PTPRD: variants seen among roughly 807,000 people sequenced by gnomAD.
PTPRD encodes receptor-type tyrosine-protein phosphatase delta.
A neutral mutation model predicts 214.5 loss-of-function variants in PTPRD; 34 were observed. The observed-to-expected ratio is 0.16, with a 90% CI of 0.12 to 0.21. The LOEUF (loss-of-function observed/expected upper bound fraction) is 0.21, where lower values mean the gene tolerates loss of function less well. Ranked by LOEUF, PTPRD falls within the 10% of genes least tolerant of loss-of-function variation. The pLI is 1.00. For synonymous variants in PTPRD, 1,128 were observed against 845.7 expected (o/e 1.33, Z -5.79); for missense variants, 2,545 against 2,398.7 (o/e 1.06, Z -1.27).
At chr9:8,731,405 G>A (rs927356047) in intron 12 of PTPRD, among the ~76,000 whole-genome samples, 9 of 152,076 alleles carry the variant, frequency 5.9e-5, no homozygotes, top group African/African-American at 2.2e-4. Flanking sequence ...AGGTAAAAGG[G>A]AAAACAAAGA....
chr9:9,120,061 T>C (rs1458053422), intron 10 of PTPRD, among the ~76,000 whole-genome samples: 1 of 152,172 alleles, frequency 6.6e-6, no homozygotes, highest in Non-Finnish European at 1.5e-5. Context: ...ACATTTTTCC[T>C]TGAAAGATGC....
intron 4 of PTPRD, among the ~76,000 whole-genome samples, chr9:9,963,730 A>C (rs1354944471): frequency 6.6e-6 from 1 of 152,156 alleles, no homozygotes; most frequent in Non-Finnish European, 1.5e-5. Context: ...GCGATTATCA[A>C]CTAAAAGCTT....
chr9:10,090,773 ACAAT>A (rs746587788), intron 3 of PTPRD, among the ~76,000 whole-genome samples: 5 of 148,292 alleles, frequency 3.4e-5, no homozygotes, highest in Non-Finnish European at 7.5e-5. Flanking sequence ...ATAGCATATT[ACAAT>A]CAATGACATA....
At chr9:9,967,287 A>G (rs544051709) in intron 4 of PTPRD, among the ~76,000 whole-genome samples, 2,150 of 146,692 alleles carry the variant, frequency 0.015, 43 homozygotes, top group Middle Eastern at 0.023. Flanking sequence ...AATTCTTGTC[A>G]TTATCATTAT....
chr9:8,566,098 A>ATGTG (rs1491211691), intron 14 of PTPRD, among the ~76,000 whole-genome samples: 4 of 46,154 alleles, frequency 8.7e-5, no homozygotes, highest in African/African-American at 3.0e-4. Context: ...TGAATGCAAA[A>ATGTG]TATGTGTGTG....
chr9:10,311,301 T>C (rs1401928614), intron 3 of PTPRD, among the ~76,000 whole-genome samples: 1 of 151,878 alleles, frequency 6.6e-6, no homozygotes, highest in African/African-American at 2.4e-5. Context: ...TTTATACTGA[T>C]CAAGAAAAGA....
At chr9:8,983,773 T>C (rs2154342084) in intron 11 of PTPRD, among the ~76,000 whole-genome samples, 1 of 152,040 alleles carries the variant, frequency 6.6e-6, no homozygotes, top group African/African-American at 2.4e-5. Context: ...CACCTCCACC[T>C]CCCAAAGCAC....
intron 11 of PTPRD, among the ~76,000 whole-genome samples, chr9:8,886,664 AT>A (rs1215406942): frequency 4.6e-5 from 7 of 152,074 alleles, no homozygotes; most frequent in African/African-American, 1.7e-4. Flanking sequence ...CTAGGGCTGA[AT>A]TTTTTCTGCA....
intron 2 of PTPRD, among the ~76,000 whole-genome samples, chr9:10,517,402 T>C (rs2050497375): frequency 6.6e-6 from 1 of 152,054 alleles, no homozygotes; most frequent in Non-Finnish European, 1.5e-5. Context: ...CAACTGATTT[T>C]TGCATGTTGA....
chr9:10,221,153 C>T (rs906506001), intron 3 of PTPRD, among the ~76,000 whole-genome samples: 1 of 149,602 alleles, frequency 6.7e-6, no homozygotes, highest in South Asian at 2.1e-4. Flanking sequence ...CAATGTCTTC[C>T]TATAAAGAAC....
chr9:9,793,509 T>C (rs982315017), intron 5 of PTPRD, among the ~76,000 whole-genome samples: 1 of 152,276 alleles, frequency 6.6e-6, no homozygotes, highest in East Asian at 1.9e-4. Context: ...GACAGATAGA[T>C]ATGTACGTCT....
At chr9:9,245,788 A>T (rs1413161877) in intron 9 of PTPRD, among the ~76,000 whole-genome samples, 1 of 152,164 alleles carries the variant, frequency 6.6e-6, no homozygotes, top group African/African-American at 2.4e-5. Flanking sequence ...ATAAATATAT[A>T]CAATGTCCCT....
chr9:8,581,803 G>C (rs148320237), intron 14 of PTPRD, among the ~76,000 whole-genome samples: 1 of 149,684 alleles, frequency 6.7e-6, no homozygotes, highest in African/African-American at 2.5e-5. Context: ...GGAGAGGTGA[G>C]GGGAGGGAAG....
chr9:9,705,326 A>T (rs895692819), intron 7 of PTPRD, among the ~76,000 whole-genome samples: 6 of 152,208 alleles, frequency 3.9e-5, no homozygotes, highest in African/African-American at 1.4e-4. Context: ...TGATTATCTT[A>T]ATTAGATGGA....
At chr9:8,887,332 A>G (rs557393765) in intron 11 of PTPRD, among the ~76,000 whole-genome samples, 1 of 152,300 alleles carries the variant, frequency 6.6e-6, no homozygotes, top group East Asian at 1.9e-4. Context: ...CTATTTCATT[A>G]AAAACCATCG....
chr9:9,164,658 G>C (rs1228450186), intron 10 of PTPRD, among the ~76,000 whole-genome samples: 1 of 152,022 alleles, frequency 6.6e-6, no homozygotes. Context: ...ACCTCTGAGA[G>C]GTGTTCAATA....
In PTPRD at chr9:10,483,346, A is replaced by C. The variant is rs375224662; in HGVS notation, c.-600+129052T>G. Among the ~76,000 whole-genome samples, 26 of 152,224 alleles carry C rather than the reference A, an allele frequency of 1.7e-4. No individual in the cohort carries two copies. In the South Asian group the frequency reaches 5.0e-3, roughly 29 times the overall value. On this transcript the variant is annotated intron_variant, in intron 2 of 45. Transcript: ENST00000381196. Reference sequence around the variant, plus strand: ...CATAAATTCTAAATAAAAACCTAGGAAACACTATTCTGGATACTGGCCTAG... The same window carrying C: ...CATAAATTCTAAATAAAAACCTAGGCAACACTATTCTGGATACTGGCCTAG...
intron 8 of PTPRD, among the ~76,000 whole-genome samples, chr9:9,492,441 A>G (rs960270243): frequency 2.0e-5 from 3 of 152,138 alleles, no homozygotes; most frequent in Non-Finnish European, 4.4e-5. Flanking sequence ...GCATGTTAAC[A>G]GGATTATGTA....
At chr9:8,457,995 C>G (rs1163001770) in intron 33 of PTPRD, among the ~76,000 whole-genome samples, 1 of 152,076 alleles carries the variant, frequency 6.6e-6, no homozygotes, top group Non-Finnish European at 1.5e-5. Flanking sequence ...ATTGTTGGTT[C>G]TACTTGAATT....
Sources: allele counts gnomAD v4.1 joint callset (sites outside exome capture counted in the v4.1 genomes callset), GRCh38; gene constraint gnomAD v4.1.1; transcripts MANE v1.5; gene names NCBI Gene and HGNC (gene_info 2026-07-23, HGNC 2026-07-21).